The following LCN12 variants were observed in gnomAD, a reference collection of about 807,000 sequenced individuals.
The protein encoded by LCN12 is epididymal-specific lipocalin-12.
LCN12 carries 15 observed loss-of-function variants against 23.7 expected under a neutral mutation model. That is an observed-to-expected ratio of 0.63 (90% CI 0.42 to 0.97). LCN12 has a LOEUF of 0.97. Ranked by LOEUF, LCN12 falls within the 50% of genes least tolerant of loss-of-function variation. The pLI, the probability that LCN12 is intolerant of heterozygous loss-of-function variation, is 0.00. For missense variants in LCN12, 219 were observed against 249.6 expected (o/e 0.88, Z 0.83); for synonymous variants, 116 against 111.5 (o/e 1.04, Z -0.25).
rs754665499 is a variant in LCN12, at chr9:136,952,948, CAG to C, written c.172_173del (p.Arg58GlyfsTer11). 2 of 1,614,004 alleles carry C rather than the reference CAG, an allele frequency of 1.2e-6. No homozygotes were observed. Among genetic ancestry groups the C allele is most frequent in the South Asian group, 1.1e-5 (1 of 91,088 alleles). ...LAGNSFRPEHRALLNAFTATF... is the reference protein window; with the variant it reads ...LAGNSFRPEHXALLNAFTATF... ...CGGGCAACAGCTTCAGGCCGGAGCA[CAG>C]GGCGCTGCTGAACGCTTTCACCGCA... On this transcript the variant is annotated frameshift_variant, in exon 2 of 6. Coordinates refer to ENST00000371633, the MANE Select transcript of LCN12 (RefSeq NM_178536.4). LOFTEE classifies it high-confidence loss of function.
At chr9:136,955,805 G>T (rs1023540465), downstream of LCN12, among the ~76,000 whole-genome samples, 1 of 152,206 alleles carries the variant, frequency 6.6e-6, no homozygotes. Context: ...GTCAGCACTC[G>T]GGGCTGCCAT....
intron 5 of LCN12, 157 bp downstream of exon 5, chr9:136,954,412 A>AG: frequency 1.1e-6 from 1 of 914,686 alleles, no homozygotes; most frequent in Non-Finnish European, 1.7e-6. Context: ...CCTGTGCTCA[A>AG]CCCAGGCTCT....
rs1851285978 is a variant in LCN12, at chr9:136,954,889, T to C, written c.551-482T>C. On this transcript the variant is annotated intron_variant, in intron 5 of 5. Coordinates refer to ENST00000371633, the MANE Select transcript of LCN12 (RefSeq NM_178536.4). ...ACCGTGCCCTTCTGATTCCCGCCTC[T>C]GGTCCTTTACATGTGCATAACCACA... 4.1e-6 allele frequency: 5 copies of C among 1,231,020 alleles called. No individual in the cohort carries two copies. The African/African-American group carries it at 6.2e-5, about 15-fold the overall frequency. 76.3% of individuals were successfully genotyped at this position (1,231,020 alleles called of 1,614,324 possible).
chr9:136,955,595 A>C (rs923733260), downstream of LCN12: 1 of 549,956 alleles, frequency 1.8e-6, no homozygotes, highest in Admixed American at 3.3e-5. Flanking sequence ...TTCTCTGGGC[A>C]CACTATGGCC....
intron 1 of LCN12, 35 bp from the exon 2 acceptor site, chr9:136,952,857 C>A: frequency 1.5e-6 from 2 of 1,298,002 alleles, no homozygotes; most frequent in Non-Finnish European, 2.2e-6. Flanking sequence ...GCCACCCCTG[C>A]CCACCGCCGC....
Position 136,955,444 on chromosome 9 carries a change from T to G in LCN12, c.*45T>G, listed in dbSNP as rs1190591494. 2 of 1,572,900 alleles carry G rather than the reference T, an allele frequency of 1.3e-6. No individual in the cohort carries two copies. Among genetic ancestry groups the G allele is most frequent in the East Asian group, 4.5e-5 (2 of 44,580 alleles). ...CCGGCCCAGCCCTGCCTCACAGCTGTGCGAGCTCTGCCCTCCTCAGCTCTC... is the reference window on the plus strand; with the variant it reads ...CCGGCCCAGCCCTGCCTCACAGCTGGGCGAGCTCTGCCCTCCTCAGCTCTC... On this transcript the variant is annotated 3_prime_UTR_variant, in exon 6 of 6. Transcript: ENST00000371633.
In LCN12 at chr9:136,954,259, A is replaced by G. The variant is rs1851257029; in HGVS notation, c.550+4A>G. 1.3e-6 allele frequency: 2 copies of G among 1,562,036 alleles called. No homozygotes were observed. Among genetic ancestry groups the G allele is most frequent in the Non-Finnish European group, 1.7e-6 (2 of 1,152,744 alleles). The stretch of plus-strand genomic sequence containing the variant: ...ATCGTCTTCCCAGATGTGACTGGTA[A>G]CATGGTTCACCTGCAGGCATGCTGG... On this transcript the variant is annotated splice_donor_region_variant and intron_variant, in intron 5 of 5. Coordinates refer to ENST00000371633, the MANE Select transcript of LCN12 (RefSeq NM_178536.4).
At chr9:136,952,034 G>C (rs1447530952), upstream of LCN12, among the ~76,000 whole-genome samples, 1 of 152,198 alleles carries the variant, frequency 6.6e-6, no homozygotes, top group East Asian at 1.9e-4. Context: ...GGGGGCTGAA[G>C]GGGGCAGGGC....
Position 136,954,186 on chromosome 9 carries a change from G to T in LCN12, c.481G>T (p.Asp161Tyr). ...RSWLLPPGTL[D>Y]QFICLGRAQG... ...CTGGTTGCTGCCTCCCGGGACGCTGGACCAGTTCATCTGCCTGGGCAGAGC... is the reference window on the plus strand; with the variant it reads ...CTGGTTGCTGCCTCCCGGGACGCTGTACCAGTTCATCTGCCTGGGCAGAGC... The change falls in exon 5 of 6, where the codon GAC becomes TAC. Residue 161 changes from aspartate (D) to tyrosine (Y), a missense_variant. Transcript: ENST00000371633. 1 of 1,573,252 alleles carries T rather than the reference G, an allele frequency of 6.4e-7. No individual in the cohort carries two copies.
chr9:136,950,234 C>A (rs970801563), upstream of LCN12, among the ~76,000 whole-genome samples: 9 of 152,218 alleles, frequency 5.9e-5, no homozygotes, highest in African/African-American at 9.6e-5. Context: ...AACCCATTGT[C>A]GTGTCCGGGA....
chr9:136,954,893 C>T (rs1851286048), intron 5 of LCN12: 16 of 1,229,344 alleles, frequency 1.3e-5, no homozygotes, highest in Non-Finnish European at 1.6e-5. Flanking sequence ...CGCCTCTGGT[C>T]CTTTACATGT....
At chr9:136,950,498 GC>G (rs1851128037), upstream of LCN12, among the ~76,000 whole-genome samples, 1 of 152,194 alleles carries the variant, frequency 6.6e-6, no homozygotes, top group South Asian at 2.1e-4. Context: ...CCCTGCATGG[GC>G]GGGGTCCGTA....
rs1404099432 is a variant in LCN12 at position 136,954,918 on chromosome 9, A to G, written c.551-453A>G. 3.2e-6 allele frequency: 4 copies of G among 1,230,908 alleles called. No homozygotes were observed. The East Asian group carries it at 1.5e-4, about 47-fold the overall frequency. The allele number at this position is 1,230,908 out of a possible 1,614,324, so 76.2% of individuals were successfully genotyped here. On this transcript the variant is annotated intron_variant, in intron 5 of 5. Transcript: ENST00000371633. ...CCTTTACATGTGCATAACCACATGC[A>G]CACACACTCACGCATGAGCAAACGT...
chr9:136,955,549 AGGCG>A (rs1851303349), downstream of LCN12: 1 of 760,672 alleles, frequency 1.3e-6, no homozygotes, highest in Non-Finnish European at 2.1e-6. Context: ...GACAGGAGCA[AGGCG>A]ACCGCTGACC....
At chr9:136,955,537 G>T, downstream of LCN12, 1 of 933,556 alleles carries the variant, frequency 1.1e-6, no homozygotes. Flanking sequence ...GTTGGGCAAA[G>T]AGACAGGAGC....
chr9:136,955,180 C>T, intron 5 of LCN12, 191 bp from the exon 6 acceptor site: 2 of 1,420,410 alleles, frequency 1.4e-6, no homozygotes, highest in Non-Finnish European at 9.2e-7. Context: ...CCGCTGTGGG[C>T]CACATCTTCT....
chr9:136,949,269 A>G (rs1851096322), upstream of LCN12, among the ~76,000 whole-genome samples: 1 of 152,198 alleles, frequency 6.6e-6, no homozygotes, highest in South Asian at 2.1e-4. Context: ...AGAAACTAAC[A>G]TTTAATTGTT....
chr9:136,953,646 G>C (rs868330827), intron 2 of LCN12, 54 bp from the exon 3 acceptor site: 7 of 1,391,234 alleles, frequency 5.0e-6, no homozygotes, highest in Middle Eastern at 1.8e-4. Flanking sequence ...GCCCACCTCA[G>C]CATGGACCTG....
In LCN12 at chr9:136,953,027, C is replaced by T. The variant is rs201611998; in HGVS notation, c.250C>T (p.Arg84Ter). 507 of 1,613,774 alleles carry T rather than the reference C, an allele frequency of 3.1e-4. 2 individuals carry two copies. The South Asian group carries it at 3.5e-3, about 11-fold the overall frequency. ...GRFEVWNAMTRGQHCDTWSYV... is the reference protein window; with the variant it reads ...GRFEVWNAMT Reference sequence around the variant, plus strand: ...CTTTGAGGTGTGGAATGCGATGACTCGGTGAGTGGCTGTCCCTGCCGTTCC... The same window carrying T: ...CTTTGAGGTGTGGAATGCGATGACTTGGTGAGTGGCTGTCCCTGCCGTTCC... The change falls in exon 2 of 6, where the codon CGA becomes TGA. Residue 84 changes from arginine (R) to a stop codon, truncating the protein, a stop_gained and splice_region_variant. Coordinates refer to ENST00000371633, the MANE Select transcript of LCN12 (RefSeq NM_178536.4). LOFTEE classifies it high-confidence loss of function.
Sources: gnomAD v4.1 joint callset for allele counts (sites outside exome capture counted in the v4.1 genomes callset) on GRCh38, gnomAD v4.1.1 for gene constraint, MANE v1.5 for transcripts, NCBI Gene and HGNC (gene_info 2026-07-23, HGNC 2026-07-21) for gene names.